ADAM12: variants seen among roughly 807,000 people sequenced by gnomAD.
The protein encoded by ADAM12 is ADAM metallopeptidase domain 12.
Under a neutral mutation model 106.4 loss-of-function variants are expected in ADAM12, and 70 were observed. The ratio of observed to expected loss-of-function variants is 0.66; its 90% CI spans 0.54 to 0.80. The LOEUF (loss-of-function observed/expected upper bound fraction) is 0.80, where lower values mean the gene tolerates loss of function less well. ADAM12 is among the 30% of genes least tolerant of loss of function. The pLI, the probability that ADAM12 is intolerant of heterozygous loss-of-function variation, is 0.00. For synonymous variants in ADAM12, 420 were observed against 433.5 expected, an observed-to-expected ratio of 0.97 and a Z score of 0.39; for missense variants, 1,010 against 1,171.9, an observed-to-expected ratio of 0.86 and a Z score of 2.02.
chr10:126,241,890 C>T (rs1958531546), intron 3 of ADAM12, among the ~76,000 whole-genome samples: 1 of 151,692 alleles, frequency 6.6e-6, no homozygotes, highest in East Asian at 1.9e-4. Context: ...GTAGTTAGTC[C>T]ATTTTATAAA....
intron 14 of ADAM12, among the ~76,000 whole-genome samples, chr10:126,051,548 T>G (rs868643731): frequency 1.4e-4 from 7 of 51,604 alleles, no homozygotes; most frequent in South Asian, 1.1e-3. Context: ...CATCCATCCA[T>G]CCATCCATCC....
intron 3 of ADAM12, among the ~76,000 whole-genome samples, chr10:126,233,788 C>A (rs966074384): frequency 6.6e-6 from 1 of 152,168 alleles, no homozygotes; most frequent in Non-Finnish European, 1.5e-5. Context: ...ATTGGAAATG[C>A]GCTTCTCTTA....
chr10:126,310,610 G>A (rs1046509845), intron 2 of ADAM12, among the ~76,000 whole-genome samples: 6 of 152,140 alleles, frequency 3.9e-5, no homozygotes, highest in Non-Finnish European at 5.9e-5. Flanking sequence ...GCTGAGGTAG[G>A]GGCAGAAAGG....
At chr10:126,190,766 A>G (rs1247303683) in intron 3 of ADAM12, among the ~76,000 whole-genome samples, 1 of 152,148 alleles carries the variant, frequency 6.6e-6, no homozygotes, top group African/African-American at 2.4e-5. Context: ...CAAAGCTGGA[A>G]GGTGCTGGCC....
At chr10:126,238,341 G>T (rs111428127) in intron 3 of ADAM12, among the ~76,000 whole-genome samples, 1 of 152,224 alleles carries the variant, frequency 6.6e-6, no homozygotes, top group South Asian at 2.1e-4. Flanking sequence ...TTAGCCGGGC[G>T]TGGTGATGCA....
chr10:126,092,593 T>C (rs1193341168), intron 11 of ADAM12, among the ~76,000 whole-genome samples: 1 of 152,262 alleles, frequency 6.6e-6, no homozygotes, highest in Non-Finnish European at 1.5e-5. Context: ...TTTCATTTCC[T>C]ATCGGTTAGT....
At chr10:126,136,662 A>G (rs1956410875) in intron 4 of ADAM12, among the ~76,000 whole-genome samples, 1 of 152,168 alleles carries the variant, frequency 6.6e-6, no homozygotes, top group Non-Finnish European at 1.5e-5. Context: ...CTTTGCTAAG[A>G]AAAAGCACCA....
rs763069424 is a variant in ADAM12 at position 126,071,457 on chromosome 10, G to T, written c.1323+20C>A. 1.2e-6 allele frequency: 2 copies of T among 1,612,100 alleles called. No individual in the cohort carries two copies. Among genetic ancestry groups the T allele is most frequent in the South Asian group, 2.2e-5 (2 of 90,878 alleles). On this transcript the variant is annotated intron_variant, in intron 12 of 22. Transcript: ENST00000448723. ...AGGATACAAGTCTTCTTGTATCCTT[G>T]TTCTGGGAATGGTTCTTACCTCTGG...
intron 14 of ADAM12, among the ~76,000 whole-genome samples, chr10:126,055,921 T>G (rs576790655): frequency 3.3e-5 from 5 of 152,320 alleles, no homozygotes; most frequent in African/African-American, 7.2e-5. Context: ...ACTGGGACAA[T>G]GGAGGCAGGC....
intron 2 of ADAM12, among the ~76,000 whole-genome samples, chr10:126,292,983 G>T (rs1183433146): frequency 6.6e-6 from 1 of 152,194 alleles, no homozygotes; most frequent in Non-Finnish European, 1.5e-5. Flanking sequence ...TGGGGCCCAA[G>T]CATTTGCATT....
At chr10:126,112,290 A>C (rs536092794) in intron 6 of ADAM12, among the ~76,000 whole-genome samples, 1 of 151,240 alleles carries the variant, frequency 6.6e-6, no homozygotes, top group South Asian at 2.1e-4. Context: ...ACCATGGCAC[A>C]CGTATACCTA....
intron 2 of ADAM12, among the ~76,000 whole-genome samples, chr10:126,325,348 G>A (rs1016768721): frequency 6.6e-6 from 1 of 152,206 alleles, no homozygotes; most frequent in African/African-American, 2.4e-5. Flanking sequence ...GAGGGAACTG[G>A]GGGGAGGCAA....
chr10:126,192,003 T>A (rs7916239), intron 3 of ADAM12, among the ~76,000 whole-genome samples: 41,102 of 151,774 alleles, frequency 0.27, 7,268 homozygotes, highest in East Asian at 0.51. Flanking sequence ...CTTTTAAACC[T>A]GATCTGGTGA....
intron 3 of ADAM12, among the ~76,000 whole-genome samples, chr10:126,253,279 A>T (rs1958822056): frequency 6.6e-6 from 1 of 152,212 alleles, no homozygotes; most frequent in African/African-American, 2.4e-5. Context: ...TACACTTTCA[A>T]GTCACCATGA....
chr10:126,125,081 T>C (rs1241967239), intron 5 of ADAM12, among the ~76,000 whole-genome samples: 2 of 151,920 alleles, frequency 1.3e-5, no homozygotes, highest in African/African-American at 4.8e-5. Flanking sequence ...AATCCAATGG[T>C]TTCTAGCTTA....
intron 1 of ADAM12, among the ~76,000 whole-genome samples, chr10:126,342,787 C>A (rs1854976171): frequency 6.6e-6 from 1 of 152,136 alleles, no homozygotes; most frequent in African/African-American, 2.4e-5. Context: ...AATGGATTTT[C>A]ATTTCTCTGC....
chr10:126,180,110 G>A (rs1337518523), intron 3 of ADAM12, among the ~76,000 whole-genome samples: 1 of 152,212 alleles, frequency 6.6e-6, no homozygotes. Context: ...TATTTGGGAT[G>A]ATGGCCATGT....
At chr10:126,091,326 C>T (rs1273268011) in intron 11 of ADAM12, among the ~76,000 whole-genome samples, 3 of 152,152 alleles carry the variant, frequency 2.0e-5, no homozygotes, top group Non-Finnish European at 4.4e-5. Flanking sequence ...CCGGAGCAGC[C>T]GGGAAAACTC....
intron 1 of ADAM12, among the ~76,000 whole-genome samples, chr10:126,384,158 AAAAG>A (rs1217165495): frequency 6.6e-6 from 1 of 152,172 alleles, no homozygotes; most frequent in Non-Finnish European, 1.5e-5. Context: ...AGATAGAAAT[AAAAG>A]AAAGTGCTTG....
Sources: gnomAD v4.1 joint callset for allele counts (sites outside exome capture counted in the v4.1 genomes callset) on GRCh38, gnomAD v4.1.1 for gene constraint, MANE v1.5 for transcripts, NCBI Gene and HGNC (gene_info 2026-07-23, HGNC 2026-07-21) for gene names.